Variants in GALNT11 observed in about 807,000 individuals in gnomAD.
GALNT11 encodes the protein polypeptide N-acetylgalactosaminyltransferase 11, also known as UDP-GalNAc:polypeptide N-acetylgalactosaminyltransferase 11.
GALNT11 carries 47 observed loss-of-function variants against 72.7 expected under a neutral mutation model. The observed-to-expected ratio is 0.65, with a 90% CI of 0.51 to 0.82. The LOEUF (loss-of-function observed/expected upper bound fraction) is 0.82, where lower values mean the gene tolerates loss of function less well. Among genes scored for constraint, GALNT11 ranks in the 40% least tolerant of loss-of-function variants. GALNT11 has a pLI of 0.00. For synonymous variants in GALNT11, 270 were observed against 286.6 expected (o/e 0.94, Z 0.58); for missense variants, 677 against 778.4 (o/e 0.87, Z 1.55).
intron 1 of GALNT11, among the ~76,000 whole-genome samples, chr7:152,069,997 C>CTTTTTTTTTTTTTTTTTTTTTT (rs879494057): frequency 7.0e-6 from 1 of 143,438 alleles, no homozygotes; most frequent in African/African-American, 2.8e-5. Context: ...TTTTCTTTTT[C>CTTTTTTTTTTTTTTTTTTTTTT]TTTTTCTTTT....
chr7:152,051,404 G>T (rs965165223), intron 1 of GALNT11, among the ~76,000 whole-genome samples: 1 of 151,700 alleles, frequency 6.6e-6, no homozygotes, highest in African/African-American at 2.4e-5. Context: ...AAATATCAAG[G>T]CCCCCACCCT....
At chr7:152,043,825 T>TA (rs1563044094) in intron 1 of GALNT11, among the ~76,000 whole-genome samples, 2 of 152,222 alleles carry the variant, frequency 1.3e-5, no homozygotes, top group African/African-American at 4.8e-5. Flanking sequence ...TGTTACTTCA[T>TA]TATACTCTCC....
intron 1 of GALNT11, among the ~76,000 whole-genome samples, chr7:152,070,002 TC>T (rs200423131): frequency 2.5e-4 from 37 of 150,486 alleles, no homozygotes; most frequent in African/African-American, 8.2e-4. Context: ...TTTTTCTTTT[TC>T]TTTTTTTTTT....
intron 1 of GALNT11, among the ~76,000 whole-genome samples, chr7:152,083,612 A>T (rs1301005696): frequency 5.9e-5 from 9 of 152,176 alleles, no homozygotes; most frequent in African/African-American, 1.9e-4. Context: ...CTTGTTCTGC[A>T]GTGGGGCTCA....
chr7:152,102,854 G>A (rs1011725841), intron 3 of GALNT11, among the ~76,000 whole-genome samples: 1 of 151,786 alleles, frequency 6.6e-6, no homozygotes, highest in Non-Finnish European at 1.5e-5. Flanking sequence ...GGTGTCGCAT[G>A]CCTGTAATCC....
At chr7:152,032,323 G>A (rs1188677423) in intron 1 of GALNT11, among the ~76,000 whole-genome samples, 1 of 152,160 alleles carries the variant, frequency 6.6e-6, no homozygotes, top group African/African-American at 2.4e-5. Context: ...GAAACTGGGA[G>A]TCATGGGAGT....
chr7:152,109,738 A>G (rs150539738), intron 6 of GALNT11, among the ~76,000 whole-genome samples: 8 of 152,336 alleles, frequency 5.3e-5, no homozygotes, highest in African/African-American at 1.9e-4. Context: ...ATAGAAATAC[A>G]TTCATACCTG....
intron 1 of GALNT11, among the ~76,000 whole-genome samples, chr7:152,081,963 A>C (rs2129021355): frequency 6.6e-6 from 1 of 152,316 alleles, no homozygotes; most frequent in African/African-American, 2.4e-5. Flanking sequence ...TTGTGTGGAT[A>C]GTTCATAGTT....
chr7:152,094,394 A>G lies in GALNT11; in HGVS notation c.167A>G (p.Tyr56Cys), dbSNP rs1325688793. The G allele has an allele frequency of 6.2e-7, 1 of 1,614,148 alleles. No individual in the cohort carries two copies. Residue 56 changes from tyrosine to cysteine, a missense_variant, in exon 2 of 12, where the codon TAT (tyrosine) becomes TGT (cysteine). Transcript: ENST00000430044. This position sits in a 1 kb window ranked among gnomAD's most constrained non-coding sequence, Gnocchi z 4.3. ...CACGGACCATCTCCAAAAAAATTCT[A>G]TCCCCGTTTCACTCGAGGCCCAAGT... ...GPHGPSPKKF[Y>C]PRFTRGPSRV...
In GALNT11 at chr7:152,069,997, C is replaced by CTTTTTTT. The variant is rs879494057; in HGVS notation, c.-38-24188_-38-24187insTTTTTTT. ...TCTTTCTTTTTTCTTTTTTCTTTTTCTTTTTCTTTTTTTTTTTGAGACAGA... is the reference window on the plus strand; with the variant it reads ...TCTTTCTTTTTTCTTTTTTCTTTTTCTTTTTTTTTTTTCTTTTTTTTTTTGAGACAGA... On this transcript the variant is annotated intron_variant, in intron 1 of 11. Transcript: ENST00000430044. 3.6e-4 allele frequency among the ~76,000 whole-genome samples: 52 copies of CTTTTTTT among 143,466 alleles called. 1 individual carries two copies. The highest frequency in any genetic ancestry group is 1.4e-3 in the African/African-American group (50 of 35,374). The allele number at this position is 143,466 out of a possible 152,430, so 94.1% of individuals were successfully genotyped here. A position where few individuals can be genotyped will look rare whatever the true frequency, so the allele number is the denominator to read the frequency against.
chr7:152,083,592 C>G (rs1445862945), intron 1 of GALNT11, among the ~76,000 whole-genome samples: 1 of 152,020 alleles, frequency 6.6e-6, no homozygotes, highest in Non-Finnish European at 1.5e-5. Context: ...TAGAGAAGCC[C>G]TGGAGTTCAC....
Position 152,117,382 on chromosome 7 carries a change from A to C in GALNT11, c.1452+7A>C. On this transcript the variant is annotated splice_region_variant and intron_variant, in intron 9 of 11. Transcript: ENST00000430044. ...AGTCCTTCAACGTGGAAGGGTAAGA[A>C]AGCTGTTTTTTCCAAGTGGCTTATG... The C allele has an allele frequency of 6.2e-7, 1 of 1,613,710 alleles. No homozygotes were observed. The highest frequency in any genetic ancestry group is 8.5e-7 in the Non-Finnish European group (1 of 1,179,896).
At chr7:152,103,448 C>T (rs117258146) in intron 4 of GALNT11, 170 bp downstream of exon 4, 14,915 of 632,358 alleles carry the variant, frequency 0.024, 240 homozygotes, top group Middle Eastern at 0.074. Context: ...ATCTTTGTAA[C>T]CTGCTTATAA....
At chr7:152,034,246 G>A (rs963954727) in intron 1 of GALNT11, among the ~76,000 whole-genome samples, 57 of 152,176 alleles carry the variant, frequency 3.7e-4, no homozygotes, top group African/African-American at 1.3e-3. Context: ...GGATATGGGG[G>A]TAAGCTGAGA....
At chr7:152,065,152 C>G (rs1418350000) in intron 1 of GALNT11, among the ~76,000 whole-genome samples, 1 of 152,148 alleles carries the variant, frequency 6.6e-6, no homozygotes, top group Admixed American at 6.5e-5. Context: ...TCGTTCATTT[C>G]TTTTTACTCT....
At chr7:152,121,076 C>T in intron 11 of GALNT11, 108 bp downstream of exon 11, 1 of 1,361,818 alleles carries the variant, frequency 7.3e-7, no homozygotes, top group Non-Finnish European at 9.9e-7. Context: ...TCTTCTCAGT[C>T]TGCAGTACAG....
At chr7:152,045,807 C>CT (rs958485973) in intron 1 of GALNT11, among the ~76,000 whole-genome samples, 1 of 151,450 alleles carries the variant, frequency 6.6e-6, no homozygotes, top group Non-Finnish European at 1.5e-5. Context: ...TTTTTTATTG[C>CT]TTTTCTTCTA....
chr7:152,065,328 A>C (rs950614355), intron 1 of GALNT11, among the ~76,000 whole-genome samples: 1 of 152,090 alleles, frequency 6.6e-6, no homozygotes. Flanking sequence ...ACTTCTCTAC[A>C]TTCTAGTTAG....
chr7:152,070,532 G>A (rs1039566211), intron 1 of GALNT11, among the ~76,000 whole-genome samples: 1 of 152,130 alleles, frequency 6.6e-6, no homozygotes, highest in East Asian at 1.9e-4. Flanking sequence ...TCCTTGGCTT[G>A]TGGCCCTTTT....
Sources: gnomAD v4.1 joint callset for allele counts (sites outside exome capture counted in the v4.1 genomes callset) on GRCh38, gnomAD v4.1.1 for gene constraint, Gnocchi (gnomAD v3.1) non-coding constraint, MANE v1.5 for transcripts, NCBI Gene and HGNC (gene_info 2026-07-23, HGNC 2026-07-21) for gene names.